Variants in ADAMTS4 observed in about 807,000 individuals in gnomAD.
The protein encoded by ADAMTS4 is A disintegrin and metalloproteinase with thrombospondin motifs 4.
A neutral mutation model predicts 66.7 loss-of-function variants in ADAMTS4; 38 were observed. The ratio of observed to expected loss-of-function variants is 0.57; its 90% confidence interval spans 0.44 to 0.75. The LOEUF is 0.75. Among genes scored for constraint, ADAMTS4 ranks in the 30% least tolerant of loss-of-function variants. The probability of loss-of-function intolerance (pLI) is 0.00; values close to 1 mark genes in which losing one functional copy is unlikely to be tolerated. For synonymous variants in ADAMTS4, 418 were observed against 461.5 expected (o/e 0.91, Z 1.21); for missense variants, 1,014 against 1,116.7 (o/e 0.91, Z 1.31).
chr1:161,193,583 C>T lies in ADAMTS4; in HGVS notation c.1735+57G>A. ...CCCCCTTGGTCTTGCACTCAAGGGA[C>T]AGTCCTTCCTGCTCTACTGTCCCCT... On this transcript the variant is annotated intron_variant, in intron 6 of 8. Transcript: ENST00000367996. The surrounding 1 kb of genome is among the most constrained non-coding windows in gnomAD (Gnocchi z 4.4). 1.3e-6 allele frequency: 2 copies of T among 1,559,208 alleles called. No individual in the cohort carries two copies. Among genetic ancestry groups the T allele is most frequent in the South Asian group, 1.2e-5 (1 of 82,170 alleles).
In ADAMTS4 at chr1:161,191,437, T is replaced by A; in HGVS notation, c.2215A>T (p.Asn739Tyr). The A allele has an allele frequency of 1.2e-6, 2 of 1,614,184 alleles. No homozygotes were observed. The highest frequency in any genetic ancestry group is 1.7e-6 in the Non-Finnish European group (2 of 1,180,018). Residue 739 changes from asparagine to tyrosine, a missense_variant, in exon 9 of 9, where the codon AAT becomes TAT. By Grantham distance (143) the Asn-to-Tyr change is moderately radical. Transcript: ENST00000367996. The part of the protein sequence containing the change: ...LKLPDGSYAL[N>Y]GEYTLMPSPT... ...GAGGGCATCAGCGTGTATTCACCAT[T>A]GAGGGCATAGGAGCCATCTGGCAGC... is the stretch of plus-strand genomic sequence containing the variant.
At chr1:161,197,904 A>G in intron 1 of ADAMTS4, 91 bp downstream of exon 1, 2 of 1,497,462 alleles carry the variant, frequency 1.3e-6, no homozygotes, top group Admixed American at 4.6e-5. Flanking sequence ...AACGGCCAGA[A>G]GTGTAAGTGG....
chr1:161,186,836 C>CA lies in ADAMTS4; in HGVS notation c.*4301dup, dbSNP rs1303800722. Reference sequence around the variant, plus strand: ...CAATATGATAAGACCTCGTCTCAACCAAAAAAAAAAGTAAATTAGCTGGGT... The same window carrying CA: ...CAATATGATAAGACCTCGTCTCAACCAAAAAAAAAAAGTAAATTAGCTGGGT... On this transcript the variant is annotated 3_prime_UTR_variant, in exon 9 of 9. Coordinates refer to ENST00000367996, the MANE Select transcript of ADAMTS4 (RefSeq NM_005099.6). 13 of 145,768 alleles carry CA rather than the reference C, an allele frequency of 8.9e-5. No individual in the cohort carries two copies. Among genetic ancestry groups the CA allele is most frequent in the East Asian group, 2.0e-4 (1 of 5,026 alleles). The allele number at this position is 145,768 out of a possible 1,614,324, so 9.0% of individuals were successfully genotyped here.
Position 161,193,601 on chromosome 1 carries a change from T to C in ADAMTS4, c.1735+39A>G, listed in dbSNP as rs763807784. The stretch of plus-strand genomic sequence containing the variant: ...CAAGGGACAGTCCTTCCTGCTCTAC[T>C]GTCCCCTCCCAAGGGCTCCCATCCC... On this transcript the variant is annotated intron_variant, in intron 6 of 8. Coordinates refer to ENST00000367996, the MANE Select transcript of ADAMTS4 (RefSeq NM_005099.6). This position sits in a 1 kb window ranked among gnomAD's most constrained non-coding sequence, Gnocchi z 4.4. 2.5e-5 allele frequency: 40 copies of C among 1,579,144 alleles called. No individual in the cohort carries two copies. In the East Asian group the frequency reaches 9.0e-4, roughly 35 times the overall value.
In ADAMTS4 at chr1:161,193,719, G is replaced by A. The variant is rs1386726669; in HGVS notation, c.1656C>T (p.Pro552=). 19 of 1,614,114 alleles carry A rather than the reference G, an allele frequency of 1.2e-5. No homozygotes were observed. The highest frequency in any genetic ancestry group is 1.6e-5 in the Non-Finnish European group (19 of 1,180,020). ...FSSRDCTRPV[P]RNGGKYCEGR... is the part of the protein sequence containing the mutation. The stretch of plus-strand genomic sequence containing the variant: ...CCTCACAGTACTTGCCACCATTCCG[G>A]GGGACAGGCCTCGTGCAGTCTCGGG... Residue 552 remains proline (P), a synonymous_variant, in exon 6 of 9, where the codon CCC becomes CCT. Coordinates refer to ENST00000367996, the MANE Select transcript of ADAMTS4 (RefSeq NM_005099.6). This position sits in a 1 kb window ranked among gnomAD's most constrained non-coding sequence, Gnocchi z 4.4.
In ADAMTS4 at chr1:161,190,086, C is replaced by T. The variant is rs1398791768; in HGVS notation, c.*1052G>A. On this transcript the variant is annotated 3_prime_UTR_variant, in exon 9 of 9. Transcript: ENST00000367996. ...AGTTGGGCGTGGCCAGGCACGGTGGCTCACGCCTGTAATCCCAGCACTTTG... is the reference window on the plus strand; with the variant it reads ...AGTTGGGCGTGGCCAGGCACGGTGGTTCACGCCTGTAATCCCAGCACTTTG... 2 of 152,144 alleles carry T rather than the reference C, an allele frequency of 1.3e-5. No individual in the cohort carries two copies. The highest frequency in any genetic ancestry group is 2.1e-4 in the South Asian group (1 of 4,818). The allele number at this position is 152,144 out of a possible 1,614,324, so 9.4% of individuals were successfully genotyped here.
chr1:161,195,212 G>A (rs971564230), intron 4 of ADAMTS4, among the ~76,000 whole-genome samples: 3 of 152,188 alleles, frequency 2.0e-5, no homozygotes, highest in Non-Finnish European at 4.4e-5. Context: ...TTCCAGTGGT[G>A]GACAGTTCTG....
Position 161,193,553 on chromosome 1 carries a change from C to T in ADAMTS4, c.1735+87G>A, listed in dbSNP as rs1664733143. 1.3e-6 allele frequency: 2 copies of T among 1,527,732 alleles called. No individual in the cohort carries two copies. The highest frequency in any genetic ancestry group is 4.5e-5 in the East Asian group (2 of 44,232). 94.6% of individuals were successfully genotyped at this position (1,527,732 alleles called of 1,614,324 possible). On this transcript the variant is annotated intron_variant, in intron 6 of 8. Coordinates refer to ENST00000367996, the MANE Select transcript of ADAMTS4 (RefSeq NM_005099.6). The surrounding 1 kb of genome is among the most constrained non-coding windows in gnomAD (Gnocchi z 4.4). The stretch of plus-strand genomic sequence containing the variant: ...GCACTCCCCACAGCAGCAGGGGAAT[C>T]AACACCCCCTTGGTCTTGCACTCAA...
rs1367767540 is a variant in ADAMTS4, at chr1:161,198,335, T to C, written c.293A>G (p.Gln98Arg). ...FGETLLLELE[Q>R]DSGVQVEGLT... is the part of the protein sequence containing the mutation. ...CCCCTCGACCTGCACACCGGAGTCCTGCTCCAGCTCTAGTAGCAGCGTCTC... is the reference window on the plus strand; with the variant it reads ...CCCCTCGACCTGCACACCGGAGTCCCGCTCCAGCTCTAGTAGCAGCGTCTC... The change falls in exon 1 of 9, where the codon CAG becomes CGG. Residue 98 changes from glutamine to arginine, a missense_variant. Physicochemically the swap from Gln to Arg is conservative, Grantham distance 43. Coordinates refer to ENST00000367996, the MANE Select transcript of ADAMTS4 (RefSeq NM_005099.6). This position sits in a 1 kb window ranked among gnomAD's most constrained non-coding sequence, Gnocchi z 4.7. 7 of 1,613,352 alleles carry C rather than the reference T, an allele frequency of 4.3e-6. No homozygotes were observed. Among genetic ancestry groups the C allele is most frequent in the Middle Eastern group, 3.3e-4 (2 of 6,062 alleles).
Position 161,193,413 on chromosome 1 carries a change from C to CCCT in ADAMTS4, c.1736-28_1736-26dup. ...GCTGGAGGGGTAAAACAGTCAGAGC[C>CCCT]CCTCCTTCCTTCCTCACATCACCCC... is the stretch of plus-strand genomic sequence containing the variant. On this transcript the variant is annotated intron_variant, in intron 6 of 8. Transcript: ENST00000367996. The surrounding 1 kb of genome is among the most constrained non-coding windows in gnomAD (Gnocchi z 4.4). 6.2e-7 allele frequency: 1 copy of CCCT among 1,606,304 alleles called. No homozygotes were observed. The highest frequency in any genetic ancestry group is 1.1e-5 in the South Asian group (1 of 90,710).
At position 161,184,884 on chromosome 1, in the gene ADAMTS4, G is replaced by A. The variant is rs1336709127; in HGVS notation, c.*6254C>T. On this transcript the variant is annotated 3_prime_UTR_variant, in exon 9 of 9. Transcript: ENST00000367996. ...AAAATACAAAAAATTAGCTGGGCATGGTGGTGCATACCTGTAATCCCAGCT... is the reference window on the plus strand; with the variant it reads ...AAAATACAAAAAATTAGCTGGGCATAGTGGTGCATACCTGTAATCCCAGCT... 6.6e-6 allele frequency: 1 copy of A among 152,034 alleles called. No homozygotes were observed. Among genetic ancestry groups the A allele is most frequent in the East Asian group, 1.9e-4 (1 of 5,190 alleles). 9.4% of individuals were successfully genotyped at this position (152,034 alleles called of 1,614,324 possible). A position where few individuals can be genotyped will look rare whatever the true frequency, so the allele number is the denominator to read the frequency against.
At chr1:161,195,869 A>G (rs1171448681) in intron 3 of ADAMTS4, 4 of 563,578 alleles carry the variant, frequency 7.1e-6, no homozygotes, top group Non-Finnish European at 1.2e-5. Context: ...TTTTCCTTAT[A>G]GCCAACATTC....
chr1:161,184,578 C>T lies in ADAMTS4; in HGVS notation c.*6560G>A, dbSNP rs1230230718. The T allele has an allele frequency of 6.6e-6, 1 of 152,200 alleles. No homozygotes were observed. The highest frequency in any genetic ancestry group is 1.5e-5 in the Non-Finnish European group (1 of 68,026). The allele number at this position is 152,200 out of a possible 1,614,324, so 9.4% of individuals were successfully genotyped here. On this transcript the variant is annotated 3_prime_UTR_variant, in exon 9 of 9. Transcript: ENST00000367996. ...GTTTACAATGTTTACAACCCATTGG[C>T]TTATTTATTGAACAAATAAATGGGA...
Position 161,198,027 on chromosome 1 carries a change from C to T in ADAMTS4, c.601G>A (p.Gly201Arg). Residue 201 changes from glycine (G) to arginine (R), a missense_variant, in exon 1 of 9, where the codon GGA (glycine) becomes AGA (arginine). By Grantham distance (125) the Gly-to-Arg change is moderately radical. Coordinates refer to ENST00000367996, the MANE Select transcript of ADAMTS4 (RefSeq NM_005099.6). The surrounding 1 kb of genome is among the most constrained non-coding windows in gnomAD (Gnocchi z 4.7). ...GPMCNVKAPL[G>R]SPSPRPRRAK... Reference sequence around the variant, plus strand: ...CTTCGGGGTCTGGGGCTGGGGCTTCCAAGAGGAGCCTTGACGTTGCACATG... The same window carrying T: ...CTTCGGGGTCTGGGGCTGGGGCTTCTAAGAGGAGCCTTGACGTTGCACATG... 6.3e-7 allele frequency: 1 copy of T among 1,582,648 alleles called. No individual in the cohort carries two copies. Among genetic ancestry groups the T allele is most frequent in the Non-Finnish European group, 8.6e-7 (1 of 1,161,776 alleles).
intron 3 of ADAMTS4, 181 bp downstream of exon 3, chr1:161,195,990 C>G (rs1276533567): frequency 1.4e-6 from 1 of 725,432 alleles, no homozygotes; most frequent in Admixed American, 3.4e-5. Flanking sequence ...TTTCGACCAA[C>G]TAATTTATTT....
In ADAMTS4 at chr1:161,196,168, T is replaced by C; in HGVS notation, c.1090+3A>G. 6.3e-7 allele frequency: 1 copy of C among 1,595,994 alleles called. No individual in the cohort carries two copies. The highest frequency in any genetic ancestry group is 8.5e-7 in the Non-Finnish European group (1 of 1,171,066). ...ATACCTTTCTCATCCACCCCTACTT[T>C]ACCCAGTTCATGAGCAGCAGTGAAG... On this transcript the variant is annotated splice_donor_region_variant and intron_variant, in intron 3 of 8. Transcript: ENST00000367996.
In ADAMTS4 at chr1:161,198,802, T is replaced by A; in HGVS notation, c.-175A>T. 1 of 601,746 alleles carries A rather than the reference T, an allele frequency of 1.7e-6. No homozygotes were observed. Among genetic ancestry groups the A allele is most frequent in the Non-Finnish European group, 2.8e-6 (1 of 362,986 alleles). The allele number at this position is 601,746 out of a possible 1,614,324, so 37.3% of individuals were successfully genotyped here. A position where few individuals can be genotyped will look rare whatever the true frequency, so the allele number is the denominator to read the frequency against. On this transcript the variant is annotated 5_prime_UTR_variant, in exon 1 of 9. In the 5' UTR this introduces an upstream ATG that the reference lacks. Transcript: ENST00000367996. This position sits in a 1 kb window ranked among gnomAD's most constrained non-coding sequence, Gnocchi z 4.7. ...AAAGGAAATGGAGAAAACTTAGTCC[T>A]TGGGCTTGGGAGAGGTGCCCAGGGG...
chr1:161,196,101 T>C, intron 3 of ADAMTS4, 70 bp downstream of exon 3: 3 of 1,514,318 alleles, frequency 2.0e-6, no homozygotes, highest in South Asian at 2.7e-5. Context: ...CCATTAACAC[T>C]GTGGTGAACT....
chr1:161,196,171 C>A lies in ADAMTS4; in HGVS notation c.1090G>T (p.Gly364Cys). 3 of 1,598,120 alleles carry A rather than the reference C, an allele frequency of 1.9e-6. No individual in the cohort carries two copies. Among genetic ancestry groups the A allele is most frequent in the Non-Finnish European group, 2.6e-6 (3 of 1,172,534 alleles). The change falls in exon 3 of 9, where the codon GGT becomes TGT. Residue 364 changes from glycine to cysteine, a missense_variant and splice_region_variant. By Grantham distance (159) the Gly-to-Cys change is radical (BLOSUM62 -3). Transcript: ENST00000367996. ...QSAFTAAHEL[G>C]HVFNMLHDNS... ...CCTTTCTCATCCACCCCTACTTTAC[C>A]CAGTTCATGAGCAGCAGTGAAGGCT...
Sources: allele counts gnomAD v4.1 joint callset (sites outside exome capture counted in the v4.1 genomes callset), GRCh38; gene constraint gnomAD v4.1.1; non-coding constraint Gnocchi (gnomAD v3.1); transcripts MANE v1.5; gene names NCBI Gene and HGNC (gene_info 2026-07-23, HGNC 2026-07-21).